Variants in CHRM5 observed in about 807,000 individuals in gnomAD.
CHRM5 encodes cholinergic receptor muscarinic 5.
CHRM5 carries 18 observed loss-of-function variants against 39.0 expected under a neutral mutation model. The observed-to-expected ratio is 0.46, with a 90% CI of 0.32 to 0.68. CHRM5 has a LOEUF of 0.68. Ranked by LOEUF, CHRM5 falls within the 30% of genes least tolerant of loss-of-function variation. CHRM5 has a pLI of 0.04. For missense variants in CHRM5, 515 were observed against 651.1 expected, an observed-to-expected ratio of 0.79 and a Z score of 2.28; for synonymous variants, 241 against 246.3, an observed-to-expected ratio of 0.98 and a Z score of 0.20.
At chr15:34,041,173 C>T (rs1899461301) in intron 1 of CHRM5, among the ~76,000 whole-genome samples, 1 of 152,068 alleles carries the variant, frequency 6.6e-6, no homozygotes. Context: ...CTGGCCTCTA[C>T]CCACTAGATG....
chr15:34,017,545 C>A (rs546129774), intron 1 of CHRM5, among the ~76,000 whole-genome samples: 1 of 137,334 alleles, frequency 7.3e-6, no homozygotes, highest in African/African-American at 2.7e-5. Flanking sequence ...TGCAGTACTG[C>A]GATCAGCTTA....
Position 33,968,727 on chromosome 15 carries a change from T to C in CHRM5, c.-831T>C, listed in dbSNP as rs1307352718. ...ACATCCATGCTTCTAGTCCAGATAA[T>C]GTTTTTTAAAGCAGCTTGATTTGGA... On this transcript the variant is annotated 5_prime_UTR_variant, in exon 1 of 3. The change abolishes an upstream ATG in the 5' untranslated region. Coordinates refer to ENST00000383263, the MANE Select transcript of CHRM5 (RefSeq NM_012125.4). The C allele has an allele frequency of 6.6e-6, 1 of 152,138 alleles. No homozygotes were observed. Among genetic ancestry groups the C allele is most frequent in the African/African-American group, 2.4e-5 (1 of 41,450 alleles). 9.4% of individuals were successfully genotyped at this position (152,138 alleles called of 1,614,324 possible). A position where few individuals can be genotyped will look rare whatever the true frequency, so the allele number is the denominator to read the frequency against.
chr15:34,022,625 T>C (rs1225733012), intron 1 of CHRM5, among the ~76,000 whole-genome samples: 2 of 152,222 alleles, frequency 1.3e-5, no homozygotes, highest in African/African-American at 4.8e-5. Context: ...TAAAATTCCC[T>C]TGGAGTTAGA....
At chr15:34,018,034 A>C (rs1326244731) in intron 1 of CHRM5, among the ~76,000 whole-genome samples, 6 of 152,246 alleles carry the variant, frequency 3.9e-5, no homozygotes, top group African/African-American at 7.2e-5. Context: ...TAATACTGAC[A>C]ATGATACTAA....
chr15:34,059,547 C>T (rs1010444582), intron 2 of CHRM5, among the ~76,000 whole-genome samples: 1 of 152,050 alleles, frequency 6.6e-6, no homozygotes, highest in Non-Finnish European at 1.5e-5. Flanking sequence ...CTCTCCTGTC[C>T]CTCCTTCTCC....
At chr15:34,044,894 A>G (rs1326795732) in intron 1 of CHRM5, among the ~76,000 whole-genome samples, 1 of 152,086 alleles carries the variant, frequency 6.6e-6, no homozygotes. Context: ...TAAAAATACA[A>G]AAAATTAGCT....
intron 1 of CHRM5, among the ~76,000 whole-genome samples, chr15:34,010,403 G>C (rs773109253): frequency 3.9e-5 from 6 of 152,144 alleles, no homozygotes; most frequent in Admixed American, 1.3e-4. Context: ...AGATGAGCCA[G>C]TAAAATTTCA....
intron 1 of CHRM5, among the ~76,000 whole-genome samples, chr15:33,976,059 C>T (rs1276439650): frequency 6.6e-6 from 1 of 152,208 alleles, no homozygotes; most frequent in Non-Finnish European, 1.5e-5. Context: ...CTGCAATTTA[C>T]TTGCTTTTGC....
chr15:34,021,191 T>C (rs1463954881), intron 1 of CHRM5, among the ~76,000 whole-genome samples: 2 of 152,176 alleles, frequency 1.3e-5, no homozygotes, highest in Non-Finnish European at 2.9e-5. Context: ...ATCTTTTTCT[T>C]TTTCTTTTTT....
chr15:33,975,195 A>G (rs961520667), intron 1 of CHRM5, among the ~76,000 whole-genome samples: 4 of 152,138 alleles, frequency 2.6e-5, no homozygotes, highest in African/African-American at 9.7e-5. Flanking sequence ...GACACCTTCT[A>G]AGATATGTTT....
At chr15:33,992,612 T>C (rs1323541801) in intron 1 of CHRM5, among the ~76,000 whole-genome samples, 3 of 152,202 alleles carry the variant, frequency 2.0e-5, no homozygotes, top group African/African-American at 7.2e-5. Context: ...TTCTACTATA[T>C]TGCCTTTGTA....
chr15:33,990,338 C>T (rs529624214), intron 1 of CHRM5, among the ~76,000 whole-genome samples: 54 of 152,092 alleles, frequency 3.6e-4, no homozygotes, highest in African/African-American at 1.2e-3. Flanking sequence ...GCCGAGATCA[C>T]GCCACTGCCC....
chr15:34,037,876 CA>C (rs1480620051), intron 1 of CHRM5, among the ~76,000 whole-genome samples: 1 of 151,914 alleles, frequency 6.6e-6, no homozygotes, highest in African/African-American at 2.4e-5. Context: ...TTGCCTCATG[CA>C]AAAAAGAATT....
At chr15:34,037,084 G>A (rs982280162) in intron 1 of CHRM5, among the ~76,000 whole-genome samples, 6 of 150,192 alleles carry the variant, frequency 4.0e-5, no homozygotes, top group Non-Finnish European at 7.4e-5. Flanking sequence ...ACTCCAGCCT[G>A]GGCAACAAGA....
chr15:34,061,002 C>T (rs1271300899), intron 2 of CHRM5, among the ~76,000 whole-genome samples: 1 of 147,912 alleles, frequency 6.8e-6, no homozygotes, highest in Non-Finnish European at 1.5e-5. Context: ...GGCAACAGAG[C>T]GAGACTCCGT....
Position 33,986,207 on chromosome 15 carries a change from C to T in CHRM5, c.-408+17057C>T, listed in dbSNP as rs373820797. ...CTGCAAGCTCTGCCTCCCGGGTTCA[C>T]GCCATTCTCCTGCCTCAGCCTCCCG... On this transcript the variant is annotated intron_variant, in intron 1 of 2. Transcript: ENST00000383263. 7.3e-4 allele frequency among the ~76,000 whole-genome samples: 111 copies of T among 151,690 alleles called. No individual in the cohort carries two copies. The East Asian group carries it at 0.012, about 17-fold the overall frequency.
intron 2 of CHRM5, among the ~76,000 whole-genome samples, chr15:34,047,595 C>G (rs1899757765): frequency 6.6e-6 from 1 of 152,210 alleles, no homozygotes; most frequent in East Asian, 1.9e-4. Flanking sequence ...AATTGAGCTC[C>G]CAGCGGGAGG....
chr15:33,986,550 T>TA (rs1896479521), intron 1 of CHRM5, among the ~76,000 whole-genome samples: 1 of 152,156 alleles, frequency 6.6e-6, no homozygotes, highest in Non-Finnish European at 1.5e-5. Flanking sequence ...TTCTGAAACT[T>TA]AATGATTTTT....
chr15:33,976,535 G>A (rs1427162540), intron 1 of CHRM5, among the ~76,000 whole-genome samples: 1 of 152,140 alleles, frequency 6.6e-6, no homozygotes, highest in Non-Finnish European at 1.5e-5. Context: ...GATCTGGGAA[G>A]AAAAACTCCA....
Sources: gnomAD v4.1 joint callset for allele counts (sites outside exome capture counted in the v4.1 genomes callset) on GRCh38, gnomAD v4.1.1 for gene constraint, MANE v1.5 for transcripts, NCBI Gene and HGNC (gene_info 2026-07-23, HGNC 2026-07-21) for gene names.